Variants in BBIP1 observed in about 807,000 individuals in gnomAD.
BBIP1 encodes BBSome interacting protein 1.
BBIP1 carries 6 observed loss-of-function variants against 8.9 expected under a neutral mutation model. The observed-to-expected ratio is 0.67, with a 90% CI of 0.37 to 1.33. The LOEUF is 1.33. BBIP1 is among the 40% of genes most tolerant of loss of function. BBIP1 has a pLI of 0.02. For missense variants in BBIP1, 111 were observed against 109.2 expected, an observed-to-expected ratio of 1.02 and a Z score of -0.07; for synonymous variants, 32 against 33.4, an observed-to-expected ratio of 0.96 and a Z score of 0.14.
At chr10:110,907,036 C>T (rs985637523) in intron 2 of BBIP1, 1 of 152,254 alleles carries the variant, frequency 6.6e-6, no homozygotes, top group Non-Finnish European at 1.5e-5. Context: ...AAGCTGAGAA[C>T]AGTCTCTTGA....
At chr10:110,918,728 GA>G (rs200644654) in intron 1 of BBIP1, 2 of 152,566 alleles carry the variant, frequency 1.3e-5, no homozygotes, top group Non-Finnish European at 2.9e-5. Flanking sequence ...GGCCAGCCCG[GA>G]AAAAAACCGC....
rs1233825841 is a variant in BBIP1, at chr10:110,906,135, T to C, written c.38-4523A>G. Among the ~76,000 whole-genome samples, 4 of 152,034 alleles carry C rather than the reference T, an allele frequency of 2.6e-5. No homozygotes were observed. The East Asian group carries it at 7.8e-4, about 30-fold the overall frequency. ...CTCCTGCCTCAGCCTCCCGAGTAGC[T>C]GGGACTACAGGCGCCCGCCACCAAG... On this transcript the variant is annotated intron_variant, in intron 2 of 3. Coordinates refer to ENST00000448814, the MANE Select transcript of BBIP1 (RefSeq NM_001195305.3).
At position 110,899,877 on chromosome 10, in the gene BBIP1, C is replaced by T. The variant is rs1845943438; in HGVS notation, c.*483G>A. 6.6e-6 allele frequency: 1 copy of T among 152,292 alleles called. No individual in the cohort carries two copies. 9.4% of individuals were successfully genotyped at this position (152,292 alleles called of 1,614,324 possible). A position where few individuals can be genotyped will look rare whatever the true frequency, so the allele number is the denominator to read the frequency against. ...TCACACAAGATAGCATTAAACGTGA[C>T]ATGGCACATAAAATTGGTTAAAAAA... On this transcript the variant is annotated 3_prime_UTR_variant, in exon 4 of 4. Transcript: ENST00000448814.
intron 2 of BBIP1, among the ~76,000 whole-genome samples, chr10:110,905,144 A>C (rs1846098132): frequency 6.6e-6 from 1 of 152,198 alleles, no homozygotes; most frequent in African/African-American, 2.4e-5. Flanking sequence ...ATGCTGAAAA[A>C]CTTGAAGGAA....
At chr10:110,916,092 T>C (rs1208429937) in intron 2 of BBIP1, among the ~76,000 whole-genome samples, 2 of 152,242 alleles carry the variant, frequency 1.3e-5, no homozygotes, top group East Asian at 1.9e-4. Context: ...CCAGGTCTGA[T>C]GCTAAAACCT....
intron 2 of BBIP1, among the ~76,000 whole-genome samples, chr10:110,915,824 C>T (rs1019893552): frequency 6.6e-6 from 1 of 152,174 alleles, no homozygotes; most frequent in African/African-American, 2.4e-5. Flanking sequence ...GTGCCTCAGC[C>T]TCTTGAGTAG....
intron 2 of BBIP1, among the ~76,000 whole-genome samples, chr10:110,915,137 T>C (rs564935355): frequency 6.6e-6 from 1 of 152,248 alleles, no homozygotes; most frequent in South Asian, 2.1e-4. Context: ...GAAATCAGAA[T>C]TGCTGAATCA....
chr10:110,901,582 A>G lies in BBIP1; in HGVS notation c.68T>C (p.Met23Thr), dbSNP rs935276527. ...CCGGAACATTGACTTCACTTCTGCC[A>G]TATCTGAGTTGTTGGATATAGTGTT... ...GKNTISNNSD[M>T]AEVKSMFREV... The change falls in exon 3 of 4, where the codon ATG (methionine) becomes ACG (threonine). Residue 23 changes from methionine (M) to threonine (T), a missense_variant. Met to Thr is a moderately conservative substitution (Grantham distance 81). Coordinates refer to ENST00000448814, the MANE Select transcript of BBIP1 (RefSeq NM_001195305.3). 7.8e-6 allele frequency: 12 copies of G among 1,535,522 alleles called. No homozygotes were observed. In the African/African-American group the frequency reaches 1.1e-4, roughly 14 times the overall value.
At chr10:110,913,839 C>A (rs1285686944) in intron 2 of BBIP1, among the ~76,000 whole-genome samples, 1 of 152,162 alleles carries the variant, frequency 6.6e-6, no homozygotes, top group African/African-American at 2.4e-5. Flanking sequence ...AAACTGGTAA[C>A]CCTTGAAGCT....
At chr10:110,905,456 G>A (rs569548116) in intron 2 of BBIP1, among the ~76,000 whole-genome samples, 3 of 152,062 alleles carry the variant, frequency 2.0e-5, no homozygotes, top group Admixed American at 1.3e-4. Flanking sequence ...CAGCTACTCC[G>A]GAGGCTGAGG....
chr10:110,901,630 T>C lies in BBIP1; in HGVS notation c.38-18A>G. 1 of 1,509,422 alleles carries C rather than the reference T, an allele frequency of 6.6e-7. No individual in the cohort carries two copies. The highest frequency in any genetic ancestry group is 8.9e-7 in the Non-Finnish European group (1 of 1,122,578). The allele number at this position is 1,509,422 out of a possible 1,614,324, so 93.5% of individuals were successfully genotyped here. ...GTTTTTTCCTTCAATGAGAAATCAG[T>C]ATTATTCAAGAATACATTCCCAAAG... On this transcript the variant is annotated intron_variant, in intron 2 of 3. Transcript: ENST00000448814.
Position 110,900,406 on chromosome 10 carries a change from C to A in BBIP1, c.233G>T (p.Arg78Leu). 1 of 1,535,362 alleles carries A rather than the reference C, an allele frequency of 6.5e-7. No individual in the cohort carries two copies. Among genetic ancestry groups the A allele is most frequent in the Non-Finnish European group, 8.7e-7 (1 of 1,146,730 alleles). The change falls in exon 4 of 4, where the codon CGC (arginine) becomes CTC (leucine). Residue 78 changes from arginine (R) to leucine (L), a missense_variant. Transcript: ENST00000448814. ...ATCCTTTTCTGCCATTTCTTGTTGG[C>A]GAATTGTATTCTGTGCTGCTTGATG... ...KMHQAAQNTI[R>L]QQEMAEKDQR... is the part of the protein sequence containing the mutation.
intron 2 of BBIP1, chr10:110,912,238 T>C (rs1255687571): frequency 6.6e-6 from 1 of 151,740 alleles, no homozygotes; most frequent in Non-Finnish European, 1.5e-5. Context: ...GAAATAAATC[T>C]CTTAGGAAGA....
In BBIP1 at chr10:110,900,504, T is replaced by TATA; in HGVS notation, c.132_134dup (p.Ile45dup). 1 of 1,532,664 alleles carries TATA rather than the reference T, an allele frequency of 6.5e-7. No homozygotes were observed. The highest frequency in any genetic ancestry group is 1.2e-5 in the South Asian group (1 of 83,300). 94.9% of individuals were successfully genotyped at this position (1,532,664 alleles called of 1,614,324 possible). Reference sequence around the variant, plus strand: ...TGGGTTTACACAGCACCATTGTCATTATATCTTCCACAAACAGTGGCCCTA... The same window carrying TATA: ...TGGGTTTACACAGCACCATTGTCATTATAATATCTTCCACAAACAGTGGCCCTA... On this transcript the variant is annotated inframe_insertion, in exon 4 of 4. Transcript: ENST00000448814.
At chr10:110,904,587 C>T (rs1564690990) in intron 2 of BBIP1, 1 of 152,178 alleles carries the variant, frequency 6.6e-6, no homozygotes, top group African/African-American at 2.4e-5. Flanking sequence ...GAAATTAGCA[C>T]TGTTGTTAAG....
chr10:110,903,087 T>A (rs148599100), intron 2 of BBIP1: 84 of 152,326 alleles, frequency 5.5e-4, no homozygotes, highest in African/African-American at 2.0e-3. Flanking sequence ...CCTGACATGA[T>A]ACGCCACTGA....
At chr10:110,909,593 A>G (rs1230338834) in intron 2 of BBIP1, among the ~76,000 whole-genome samples, 1 of 152,220 alleles carries the variant, frequency 6.6e-6, no homozygotes, top group African/African-American at 2.4e-5. Flanking sequence ...ATCCTTCGCT[A>G]AGATCTTCCC....
At chr10:110,915,006 C>G (rs1846365904) in intron 2 of BBIP1, among the ~76,000 whole-genome samples, 1 of 152,232 alleles carries the variant, frequency 6.6e-6, no homozygotes, top group Non-Finnish European at 1.5e-5. Context: ...CAACAGTGTG[C>G]AAGGAAAGAG....
intron 2 of BBIP1, among the ~76,000 whole-genome samples, chr10:110,913,379 C>A (rs912485266): frequency 6.6e-6 from 1 of 152,200 alleles, no homozygotes; most frequent in Non-Finnish European, 1.5e-5. Flanking sequence ...AAGGTATCTT[C>A]TGTCTCTAAA....
Sources: gnomAD v4.1 joint callset for allele counts (sites outside exome capture counted in the v4.1 genomes callset) on GRCh38, gnomAD v4.1.1 for gene constraint, MANE v1.5 for transcripts, NCBI Gene and HGNC (gene_info 2026-07-23, HGNC 2026-07-21) for gene names.